Variants in ARID4A observed in about 807,000 individuals in gnomAD.
ARID4A encodes the protein AT-rich interactive domain-containing protein 4A.
In ARID4A, 39 loss-of-function variants were observed where a neutral mutation model predicts 148.6. The ratio of observed to expected loss-of-function variants is 0.26; its 90% confidence interval spans 0.20 to 0.34. ARID4A has a LOEUF of 0.34. Ranked by LOEUF, ARID4A falls within the 10% of genes least tolerant of loss-of-function variation. ARID4A has a pLI of 1.00. For synonymous variants in ARID4A, 475 were observed against 481.2 expected, an observed-to-expected ratio of 0.99 and a Z score of 0.17; for missense variants, 1,265 against 1,449.1, an observed-to-expected ratio of 0.87 and a Z score of 2.06.
chr14:58,356,624 A>C (rs2034877033), intron 17 of ARID4A, among the ~76,000 whole-genome samples: 1 of 152,016 alleles, frequency 6.6e-6, no homozygotes, highest in African/African-American at 2.4e-5. Context: ...TAGTGGTTCA[A>C]CTTCAATTTT....
rs745390421 is a variant in ARID4A at position 58,364,721 on chromosome 14, A to G, written c.2632A>G (p.Thr878Ala). ...AAGAATTGAGAATGGAATGGAAATGACAAATACTGTATCTCAAGAAAGGAC... is the reference window on the plus strand; with the variant it reads ...AAGAATTGAGAATGGAATGGAAATGGCAAATACTGTATCTCAAGAAAGGAC... ...KIRIENGMEM[T>A]NTVSQERTSD... Residue 878 changes from threonine (T) to alanine (A), a missense_variant, in exon 20 of 24, where the codon ACA (threonine) becomes GCA (alanine). Coordinates refer to ENST00000355431, the MANE Select transcript of ARID4A (RefSeq NM_002892.4). The G allele has an allele frequency of 3.1e-6, 5 of 1,613,960 alleles. No homozygotes were observed. The highest frequency in any genetic ancestry group is 1.7e-5 in the Admixed American group (1 of 59,982).
intron 1 of ARID4A, 93 bp from the exon 2 acceptor site, chr14:58,299,705 C>A: frequency 9.2e-7 from 1 of 1,083,864 alleles, no homozygotes; most frequent in Non-Finnish European, 1.4e-6. Flanking sequence ...AGGATTCTGC[C>A]CCTCCCCGCT....
At chr14:58,350,218 AAG>A (rs1322620074) in intron 15 of ARID4A, among the ~76,000 whole-genome samples, 2 of 151,980 alleles carry the variant, frequency 1.3e-5, no homozygotes, top group African/African-American at 2.4e-5. Flanking sequence ...TTAAGATAGA[AAG>A]AAATTAATTT....
chr14:58,338,727 A>G (rs1056198115), intron 11 of ARID4A, among the ~76,000 whole-genome samples: 2 of 152,138 alleles, frequency 1.3e-5, no homozygotes, highest in Non-Finnish European at 2.9e-5. Flanking sequence ...ATATTTGGTA[A>G]AAGTATTTAG....
intron 8 of ARID4A, 41 bp downstream of exon 8, chr14:58,323,658 T>TA (rs2033043937): frequency 6.5e-7 from 1 of 1,531,438 alleles, no homozygotes; most frequent in African/African-American, 1.4e-5. Context: ...GCCGTCTAAA[T>TA]ATTTGTTTTA....
At chr14:58,361,359 A>G (rs74055634) in intron 19 of ARID4A, among the ~76,000 whole-genome samples, 50,381 of 151,912 alleles carry the variant, frequency 0.33, 8,594 homozygotes, top group East Asian at 0.51. Flanking sequence ...TTTATACCAT[A>G]TTTTTAATAG....
chr14:58,300,264 T>C (rs1267286156), intron 2 of ARID4A, among the ~76,000 whole-genome samples: 4 of 152,240 alleles, frequency 2.6e-5, no homozygotes, highest in Non-Finnish European at 5.9e-5. Flanking sequence ...GTAATGAAGG[T>C]ATCATTTCTT....
chr14:58,335,770 C>T (rs1010520068), intron 11 of ARID4A, among the ~76,000 whole-genome samples: 9 of 152,260 alleles, frequency 5.9e-5, no homozygotes, highest in Admixed American at 3.3e-4. Flanking sequence ...ATAGAAGTCA[C>T]CTTGATTCTT....
rs780720031 is a variant in ARID4A, at chr14:58,365,201, G to A, written c.3112G>A (p.Glu1038Lys). The A allele has an allele frequency of 8.7e-6, 14 of 1,613,974 alleles. No homozygotes were observed. Among genetic ancestry groups the A allele is most frequent in the African/African-American group, 2.7e-5 (2 of 74,912 alleles). ...EVDSIAEESQ[E>K]GLCERESANG... ...TGATAGTATTGCTGAAGAATCTCAA[G>A]AAGGTCTCTGTGAGAGGGAATCGGC... The change falls in exon 20 of 24, where the codon GAA (glutamate) becomes AAA (lysine). Residue 1038 changes from glutamate to lysine, a missense_variant. Glu to Lys is a moderately conservative substitution (Grantham distance 56). Transcript: ENST00000355431.
At chr14:58,321,360 C>T (rs895617848) in intron 7 of ARID4A, among the ~76,000 whole-genome samples, 1 of 152,080 alleles carries the variant, frequency 6.6e-6, no homozygotes, top group Non-Finnish European at 1.5e-5. Context: ...CTTTTCCTAA[C>T]GCTATGGATT....
chr14:58,301,359 T>C (rs761084224), intron 2 of ARID4A, among the ~76,000 whole-genome samples: 4 of 152,232 alleles, frequency 2.6e-5, no homozygotes, highest in Non-Finnish European at 4.4e-5. Context: ...ACTGATAATT[T>C]TGAATTACAA....
At chr14:58,324,388 G>A (rs2033101850) in intron 8 of ARID4A, among the ~76,000 whole-genome samples, 2 of 152,132 alleles carry the variant, frequency 1.3e-5, no homozygotes, top group Admixed American at 6.5e-5. Flanking sequence ...CGTTCCTCCT[G>A]TTTCAGCCTC....
Position 58,364,465 on chromosome 14 carries a change from A to T in ARID4A, c.2376A>T (p.Gly792=). The T allele has an allele frequency of 6.2e-7, 1 of 1,613,292 alleles. No homozygotes were observed. Among genetic ancestry groups the T allele is most frequent in the Non-Finnish European group, 8.5e-7 (1 of 1,179,864 alleles). The change falls in exon 20 of 24, where the codon GGA becomes GGT. Residue 792 remains glycine (G), a synonymous_variant. Coordinates refer to ENST00000355431, the MANE Select transcript of ARID4A (RefSeq NM_002892.4). ...VKKEAEKSPK[G]KGRRSKTKDL... is the part of the protein sequence containing the mutation. ...AAGAAGCCGAAAAATCTCCAAAAGG[A>T]AAGGGAAGACGAAGCAAGACAAAAG...
chr14:58,368,692 G>A (rs2035467192), intron 23 of ARID4A, among the ~76,000 whole-genome samples: 1 of 151,988 alleles, frequency 6.6e-6, no homozygotes, highest in Admixed American at 6.6e-5. Context: ...ATTTTTTTCA[G>A]ATTTTGGAAT....
chr14:58,333,417 A>G (rs1453199612), intron 11 of ARID4A, among the ~76,000 whole-genome samples: 1 of 152,102 alleles, frequency 6.6e-6, no homozygotes, highest in African/African-American at 2.4e-5. Context: ...GGTAAAATAA[A>G]TGGATGGTTG....
At chr14:58,305,427 T>G (rs367769928) in intron 4 of ARID4A, among the ~76,000 whole-genome samples, 19 of 152,140 alleles carry the variant, frequency 1.2e-4, no homozygotes, top group Non-Finnish European at 2.8e-4. Flanking sequence ...ATACCTAGAT[T>G]ATGTTTTCCA....
At chr14:58,354,239 G>C (rs1051746145) in intron 17 of ARID4A, among the ~76,000 whole-genome samples, 54 of 152,204 alleles carry the variant, frequency 3.5e-4, no homozygotes, top group African/African-American at 1.3e-3. Context: ...TGAGCAGGGA[G>C]CCAGGCCTGC....
chr14:58,304,444 T>C (rs1432862507), intron 3 of ARID4A, among the ~76,000 whole-genome samples: 1 of 152,218 alleles, frequency 6.6e-6, no homozygotes, highest in East Asian at 1.9e-4. Flanking sequence ...GGTTACTTTA[T>C]GTCTTTAGAT....
intron 5 of ARID4A, among the ~76,000 whole-genome samples, chr14:58,316,688 C>G (rs2032438105): frequency 6.6e-6 from 1 of 152,116 alleles, no homozygotes; most frequent in African/African-American, 2.4e-5. Flanking sequence ...TCAAGAGATT[C>G]TCCTGCCTCA....
Sources: allele counts gnomAD v4.1 joint callset (sites outside exome capture counted in the v4.1 genomes callset), GRCh38; gene constraint gnomAD v4.1.1; transcripts MANE v1.5; gene names NCBI Gene and HGNC (gene_info 2026-07-23, HGNC 2026-07-21).